SAMD3: variants seen among roughly 807,000 people sequenced by gnomAD.
SAMD3 encodes the protein sterile alpha motif domain containing 3.
A neutral mutation model predicts 58.5 loss-of-function variants in SAMD3; 63 were observed. The observed-to-expected ratio is 1.08, with a 90% CI of 0.88 to 1.33. The LOEUF (loss-of-function observed/expected upper bound fraction) is 1.33, where lower values mean the gene tolerates loss of function less well. SAMD3 is among the 40% of genes most tolerant of loss of function. The probability of loss-of-function intolerance (pLI) is 0.00; values close to 1 mark genes in which losing one functional copy is unlikely to be tolerated. For synonymous variants in SAMD3, 220 were observed against 210.3 expected (o/e 1.05, Z -0.40); for missense variants, 604 against 608.4 (o/e 0.99, Z 0.08).
intron 6 of SAMD3, 125 bp downstream of exon 6, chr6:130,184,313 G>T: frequency 8.8e-7 from 1 of 1,141,652 alleles, no homozygotes; most frequent in Non-Finnish European, 1.2e-6. Context: ...TTTAAATATT[G>T]GGCAATTGGG....
intron 2 of SAMD3, among the ~76,000 whole-genome samples, chr6:130,254,255 G>A (rs957548215): frequency 8.6e-5 from 13 of 151,034 alleles, no homozygotes; most frequent in Admixed American, 1.3e-4. Flanking sequence ...GTGCAGTGGC[G>A]TGATCTCAGC....
At chr6:130,162,149 T>C (rs1790334615) in intron 8 of SAMD3, 1 of 654,834 alleles carries the variant, frequency 1.5e-6, no homozygotes. Flanking sequence ...ATGCTTCCTT[T>C]ACCACACCAG....
intron 1 of SAMD3, among the ~76,000 whole-genome samples, chr6:130,221,119 G>A (rs1208620605): frequency 5.3e-5 from 8 of 152,160 alleles, no homozygotes; most frequent in African/African-American, 1.7e-4. Flanking sequence ...CTCCCAAAGT[G>A]CTGGGATTAC....
chr6:130,298,944 G>A lies in SAMD3; in HGVS notation c.-188+14034C>T, dbSNP rs557438783. 2.0e-5 allele frequency among the ~76,000 whole-genome samples: 3 copies of A among 152,230 alleles called. No individual in the cohort carries two copies. In the South Asian group the frequency reaches 6.2e-4, roughly 32 times the overall value. On this transcript the variant is annotated intron_variant, in intron 2 of 13. Coordinates refer to the SAMD3 transcript ENST00000368134. Reference sequence around the variant, plus strand: ...CACTGCGTATGCACTGAACATCAGAGTACCCACATTTATAAAACAAATTCT... The same window carrying A: ...CACTGCGTATGCACTGAACATCAGAATACCCACATTTATAAAACAAATTCT...
chr6:130,271,847 A>C (rs1430834235), intron 2 of SAMD3, among the ~76,000 whole-genome samples: 3 of 152,202 alleles, frequency 2.0e-5, no homozygotes, highest in African/African-American at 7.2e-5. Context: ...GAGCGTGTGC[A>C]GGGGAACTCT....
chr6:130,204,129 C>T (rs951309549), intron 5 of SAMD3, among the ~76,000 whole-genome samples: 4 of 151,900 alleles, frequency 2.6e-5, no homozygotes, highest in South Asian at 4.1e-4. Context: ...TACCCAAAAG[C>T]GGAAGCAAAA....
chr6:130,346,802 T>A (rs1259056803), intron 1 of SAMD3, among the ~76,000 whole-genome samples: 1 of 152,202 alleles, frequency 6.6e-6, no homozygotes, highest in South Asian at 2.1e-4. Flanking sequence ...CCCTGACCCC[T>A]GAGTAGCTTA....
chr6:130,259,509 C>A (rs1774040840), intron 2 of SAMD3, among the ~76,000 whole-genome samples: 1 of 152,136 alleles, frequency 6.6e-6, no homozygotes, highest in Non-Finnish European at 1.5e-5. Context: ...CATTAGGCCC[C>A]ATCTTCAACA....
upstream of SAMD3, among the ~76,000 whole-genome samples, chr6:130,223,129 CT>C (rs1562465717): frequency 1.3e-5 from 2 of 151,958 alleles, no homozygotes; most frequent in East Asian, 1.9e-4. Flanking sequence ...CCTTAGTTAC[CT>C]TTTTTAAGCT....
chr6:130,194,315 A>G (rs921713565), intron 5 of SAMD3, among the ~76,000 whole-genome samples: 1 of 152,230 alleles, frequency 6.6e-6, no homozygotes. Context: ...ACCCTGAGAC[A>G]CTTTACAGCC....
At chr6:130,222,270 G>A (rs1228623760) in intron 1 of SAMD3, among the ~76,000 whole-genome samples, 6 of 152,284 alleles carry the variant, frequency 3.9e-5, no homozygotes, top group Admixed American at 3.3e-4. Flanking sequence ...ACACAAAGAT[G>A]TGTGCCATAG....
chr6:130,294,715 T>C (rs1414005989), intron 2 of SAMD3, among the ~76,000 whole-genome samples: 1 of 151,920 alleles, frequency 6.6e-6, no homozygotes, highest in African/African-American at 2.4e-5. Context: ...TTGTACATGA[T>C]TGAGTATTCT....
At chr6:130,255,261 C>T (rs554048227) in intron 2 of SAMD3, among the ~76,000 whole-genome samples, 10 of 152,238 alleles carry the variant, frequency 6.6e-5, no homozygotes, top group African/African-American at 2.4e-4. Context: ...TTAAAAAGAA[C>T]CCATATTCTG....
intron 1 of SAMD3, among the ~76,000 whole-genome samples, chr6:130,340,503 A>G (rs1194317636): frequency 6.6e-6 from 1 of 152,202 alleles, no homozygotes; most frequent in Non-Finnish European, 1.5e-5. Flanking sequence ...ACCTAATTCC[A>G]TCTACAGTTG....
intron 2 of SAMD3, among the ~76,000 whole-genome samples, chr6:130,275,524 A>G (rs879581963): frequency 1.3e-5 from 2 of 152,164 alleles, no homozygotes; most frequent in African/African-American, 4.8e-5. Flanking sequence ...AATAACCACT[A>G]TATAATTTAA....
At chr6:130,277,142 G>A (rs1186727909) in intron 2 of SAMD3, among the ~76,000 whole-genome samples, 1 of 152,180 alleles carries the variant, frequency 6.6e-6, no homozygotes, top group African/African-American at 2.4e-5. Context: ...ATGAAACAAT[G>A]GCTTGTTCTC....
Position 130,146,137 on chromosome 6 carries a change from C to G in SAMD3, c.1068G>C (p.Lys356Asn), listed in dbSNP as rs1001484359. The G allele has an allele frequency of 6.3e-7, 1 of 1,597,746 alleles. No homozygotes were observed. The highest frequency in any genetic ancestry group is 1.3e-5 in the African/African-American group (1 of 74,262). ...AGGATTCCAAAATGTGCCTTGTTTTCTTATAAATATCTGTTCTTGTAAGAA... is the reference window on the plus strand; with the variant it reads ...AGGATTCCAAAATGTGCCTTGTTTTGTTATAAATATCTGTTCTTGTAAGAA... ...FQLLTRTDIY[K>N]KTRHILESYS... Residue 356 changes from lysine to asparagine, a missense_variant, in exon 10 of 12, where the codon AAG becomes AAC. Coordinates refer to ENST00000439090, the MANE Select transcript of SAMD3 (RefSeq NM_001017373.4).
intron 1 of SAMD3, among the ~76,000 whole-genome samples, chr6:130,217,366 A>G (rs1316912997): frequency 6.6e-6 from 1 of 152,236 alleles, no homozygotes; most frequent in Non-Finnish European, 1.5e-5. Context: ...AATATTTCAA[A>G]ATGTGAAGGC....
chr6:130,186,937 A>AT lies in SAMD3; in HGVS notation c.384-2315dup, dbSNP rs549948603. On this transcript the variant is annotated intron_variant, in intron 5 of 11. Transcript: ENST00000439090. Reference sequence around the variant, plus strand: ...AGGCGCATGCCACCGTGCCTGGCTAATTTTTTTTATTTTTAGTATAGACAG... The same window carrying AT: ...AGGCGCATGCCACCGTGCCTGGCTAATTTTTTTTTATTTTTAGTATAGACAG... Among the ~76,000 whole-genome samples the AT allele has an allele frequency of 6.0e-3, 901 of 151,034 alleles. 8 individuals are homozygous for AT. The highest frequency in any genetic ancestry group is 7.3e-3 in the Non-Finnish European group (495 of 67,736).
Sources: gnomAD v4.1 joint callset for allele counts (sites outside exome capture counted in the v4.1 genomes callset) on GRCh38, gnomAD v4.1.1 for gene constraint, MANE v1.5 for transcripts, NCBI Gene and HGNC (gene_info 2026-07-23, HGNC 2026-07-21) for gene names.